Variants in GRID1 observed in about 807,000 individuals in gnomAD.
The protein encoded by GRID1 is glutamate ionotropic receptor delta type subunit 1, also known as glutamate receptor ionotropic, delta-1.
A neutral mutation model predicts 98.0 loss-of-function variants in GRID1; 28 were observed. That is an observed-to-expected ratio of 0.29 (90% CI 0.21 to 0.39). The LOEUF is 0.39. Among genes scored for constraint, GRID1 ranks in the 10% least tolerant of loss-of-function variants. GRID1 has a pLI of 1.00. For synonymous variants in GRID1, 553 were observed against 538.5 expected, an observed-to-expected ratio of 1.03 and a Z score of -0.37; for missense variants, 1,111 against 1,340.5, an observed-to-expected ratio of 0.83 and a Z score of 2.67.
chr10:85,649,828 G>T (rs1465324422), intron 12 of GRID1, among the ~76,000 whole-genome samples: 2 of 152,074 alleles, frequency 1.3e-5, no homozygotes, highest in East Asian at 3.9e-4. Flanking sequence ...AGACCTCACT[G>T]TTCCCACCCC....
chr10:85,737,673 T>TATATATATATGTATAA (rs1342754070), intron 8 of GRID1, among the ~76,000 whole-genome samples: 4 of 113,054 alleles, frequency 3.5e-5, no homozygotes, highest in African/African-American at 1.4e-4. Context: ...TATATATATA[T>TATATATATATGTATAA]AAACATATAT....
intron 4 of GRID1, among the ~76,000 whole-genome samples, chr10:85,977,764 C>G (rs554119226): frequency 1.3e-5 from 2 of 152,328 alleles, no homozygotes; most frequent in South Asian, 4.1e-4. Flanking sequence ...CCAGTCCTTA[C>G]GTGGCAGTCA....
chr10:85,870,356 T>C (rs1275133550), intron 5 of GRID1, among the ~76,000 whole-genome samples: 1 of 152,240 alleles, frequency 6.6e-6, no homozygotes, highest in Non-Finnish European at 1.5e-5. Flanking sequence ...GGCCACAGGC[T>C]GAAGGCTGCA....
At chr10:85,948,089 T>A (rs1428940970) in intron 4 of GRID1, among the ~76,000 whole-genome samples, 1 of 152,284 alleles carries the variant, frequency 6.6e-6, no homozygotes, top group East Asian at 1.9e-4. Flanking sequence ...GAAAAACTAG[T>A]GAAATTCAAA....
At chr10:86,142,421 C>T (rs994568184) in intron 3 of GRID1, among the ~76,000 whole-genome samples, 43 of 152,252 alleles carry the variant, frequency 2.8e-4, no homozygotes, top group Admixed American at 2.4e-3. Context: ...ACTGTCCACA[C>T]GGGGCTGAGT....
chr10:85,760,162 G>A (rs957713101), intron 8 of GRID1, among the ~76,000 whole-genome samples: 1 of 152,196 alleles, frequency 6.6e-6, no homozygotes, highest in Non-Finnish European at 1.5e-5. Flanking sequence ...GAAACTTGCA[G>A]TCAGACAGCC....
chr10:85,905,428 C>G (rs950575799), intron 5 of GRID1, among the ~76,000 whole-genome samples: 2 of 151,832 alleles, frequency 1.3e-5, no homozygotes, highest in Non-Finnish European at 1.5e-5. Flanking sequence ...AACTACGGAT[C>G]TTCGCACCAA....
intron 5 of GRID1, among the ~76,000 whole-genome samples, chr10:85,881,579 A>C (rs1212924651): frequency 6.6e-6 from 1 of 152,242 alleles, no homozygotes; most frequent in Non-Finnish European, 1.5e-5. Context: ...ATATGTAGAA[A>C]GCTGAAACTA....
intron 2 of GRID1, among the ~76,000 whole-genome samples, chr10:86,346,068 T>C (rs1305348084): frequency 9.2e-5 from 14 of 152,218 alleles, no homozygotes; most frequent in Admixed American, 9.2e-4. Flanking sequence ...CTGGGCAGGC[T>C]TCATTCTCTT....
At chr10:86,124,640 T>C (rs1844724837) in intron 4 of GRID1, among the ~76,000 whole-genome samples, 1 of 152,204 alleles carries the variant, frequency 6.6e-6, no homozygotes, top group Admixed American at 6.5e-5. Context: ...TTGTTTAGTG[T>C]CTGACCACCA....
At chr10:86,099,640 C>T (rs1345718744) in intron 4 of GRID1, among the ~76,000 whole-genome samples, 2 of 152,178 alleles carry the variant, frequency 1.3e-5, no homozygotes, top group African/African-American at 4.8e-5. Flanking sequence ...ATAAATTTCC[C>T]CACATCCCAT....
At chr10:86,043,820 C>A (rs1194396644) in intron 4 of GRID1, among the ~76,000 whole-genome samples, 3 of 152,172 alleles carry the variant, frequency 2.0e-5, no homozygotes, top group Non-Finnish European at 4.4e-5. Context: ...CTTGCATTTT[C>A]TAGAACTTTA....
intron 5 of GRID1, among the ~76,000 whole-genome samples, chr10:85,911,199 T>A (rs1841532533): frequency 6.6e-6 from 1 of 152,166 alleles, no homozygotes; most frequent in Non-Finnish European, 1.5e-5. Flanking sequence ...GCCTTTGTTT[T>A]TTCTGTGTCT....
chr10:86,200,505 A>G (rs1845931973), intron 3 of GRID1, among the ~76,000 whole-genome samples: 1 of 152,216 alleles, frequency 6.6e-6, no homozygotes, highest in Non-Finnish European at 1.5e-5. Context: ...GCCAGGCCAT[A>G]GCTGTGGACA....
intron 12 of GRID1, among the ~76,000 whole-genome samples, chr10:85,657,515 G>A (rs567787503): frequency 1.3e-5 from 2 of 152,314 alleles, no homozygotes; most frequent in East Asian, 1.9e-4. Context: ...ATATATGAAT[G>A]AGTTGGCCTT....
intron 8 of GRID1, among the ~76,000 whole-genome samples, chr10:85,770,141 C>A (rs1002168588): frequency 6.6e-6 from 1 of 152,174 alleles, no homozygotes; most frequent in Non-Finnish European, 1.5e-5. Flanking sequence ...TCCAGAGGAA[C>A]GATCGGACAG....
At chr10:85,897,082 G>A (rs979507021) in intron 5 of GRID1, among the ~76,000 whole-genome samples, 32 of 152,136 alleles carry the variant, frequency 2.1e-4, no homozygotes, top group African/African-American at 7.0e-4. Context: ...AAATCTCAAT[G>A]AGGCAAAATA....
At chr10:85,930,655 C>T (rs1389956675) in intron 4 of GRID1, among the ~76,000 whole-genome samples, 1 of 151,680 alleles carries the variant, frequency 6.6e-6, no homozygotes, top group East Asian at 1.9e-4. Flanking sequence ...TTTTCTGAAG[C>T]CCATCCTACC....
chr10:86,288,130 G>A (rs1847461270), intron 2 of GRID1, among the ~76,000 whole-genome samples: 1 of 152,200 alleles, frequency 6.6e-6, no homozygotes, highest in African/African-American at 2.4e-5. Flanking sequence ...AGTGAGGGCA[G>A]AGACTCACAT....
Sources: allele counts gnomAD v4.1 joint callset (sites outside exome capture counted in the v4.1 genomes callset), GRCh38; gene constraint gnomAD v4.1.1; transcripts MANE v1.5; gene names NCBI Gene and HGNC (gene_info 2026-07-23, HGNC 2026-07-21).